KANTR: variants seen among roughly 807,000 people sequenced by gnomAD.
The protein encoded by KANTR is KDM5C adjacent transcript.
chrX:53,099,675 G>A (rs1932873641), intron 2 of KANTR, 67 bp downstream of exon 2: 1 of 111,640 alleles, frequency 9.0e-6, no homozygotes, highest in African/African-American at 3.3e-5. Flanking sequence ...ACTGTCTATG[G>A]CGGCTATAGC....
intron 2 of KANTR, among the ~76,000 whole-genome samples, chrX:53,136,067 T>C (rs1556817566): frequency 8.9e-6 from 1 of 111,874 alleles, no homozygotes; most frequent in African/African-American, 3.2e-5. Flanking sequence ...AGCGAACATA[T>C]GTCACCCCTG....
At chrX:53,118,069 G>A (rs1933159373) in intron 2 of KANTR, among the ~76,000 whole-genome samples, 1 of 111,856 alleles carries the variant, frequency 8.9e-6, no homozygotes, top group Non-Finnish European at 1.9e-5. Flanking sequence ...TGGACATTTG[G>A]GTCATTTCCA....
chrX:53,142,598 G>A (rs1158741491), exon 3 of KANTR: 10 of 310,801 alleles, frequency 3.2e-5, no homozygotes, highest in African/African-American at 1.3e-4. Context: ...ATAGGCGTGA[G>A]CCACCACTTC....
At chrX:53,121,481 GT>G (rs1933219546) in intron 2 of KANTR, among the ~76,000 whole-genome samples, 1 of 111,291 alleles carries the variant, frequency 9.0e-6, no homozygotes, top group African/African-American at 3.3e-5. Context: ...GGCTTTATCA[GT>G]TTTTTTCACT....
downstream of KANTR, chrX:53,143,229 G>A (rs1933528112): frequency 7.7e-6 from 5 of 647,100 alleles, no homozygotes; most frequent in Non-Finnish European, 1.3e-5. Context: ...GGAGGAGGAG[G>A]ATGTGGCAGT....
chrX:53,113,566 C>CTTTTTT (rs782348418), intron 2 of KANTR, among the ~76,000 whole-genome samples: 9 of 69,670 alleles, frequency 1.3e-4, no homozygotes, highest in Non-Finnish European at 1.7e-4. Flanking sequence ...CCTGATTGTT[C>CTTTTTT]TTTTTTTTTT....
chrX:53,131,813 A>G (rs1409694848), downstream of KANTR, among the ~76,000 whole-genome samples: 1 of 112,156 alleles, frequency 8.9e-6, no homozygotes, highest in African/African-American at 3.2e-5. Flanking sequence ...AAGGCATCCA[A>G]ATTGGAAAGG....
downstream of KANTR, among the ~76,000 whole-genome samples, chrX:53,130,929 G>C (rs1184403832): frequency 1.8e-5 from 2 of 111,434 alleles, no homozygotes; most frequent in African/African-American, 6.5e-5. Flanking sequence ...CCTTTTTGGA[G>C]CAGAGCAGTA....
chrX:53,111,376 A>G (rs1476923269), intron 2 of KANTR, among the ~76,000 whole-genome samples: 1 of 111,142 alleles, frequency 9.0e-6, no homozygotes, highest in Non-Finnish European at 1.9e-5. Context: ...CTTTGAGTGC[A>G]TTAAAAAACT....
intron 2 of KANTR, among the ~76,000 whole-genome samples, chrX:53,101,090 C>T (rs781939161): frequency 8.9e-6 from 1 of 112,715 alleles, no homozygotes; most frequent in African/African-American, 3.2e-5. Flanking sequence ...ATTGTCTAGC[C>T]AGACCACCCA....
intron 2 of KANTR, among the ~76,000 whole-genome samples, chrX:53,140,485 A>T (rs1248465539): frequency 2.2e-5 from 2 of 92,211 alleles, no homozygotes; most frequent in African/African-American, 8.7e-5. Context: ...TGGGTAACGG[A>T]GTGAGACTCT....
intron 2 of KANTR, among the ~76,000 whole-genome samples, chrX:53,104,761 C>T (rs193030694): frequency 5.4e-4 from 61 of 112,096 alleles, no homozygotes; most frequent in Admixed American, 1.3e-3. Flanking sequence ...AAATAATATT[C>T]TGTCATATGG....
downstream of KANTR, among the ~76,000 whole-genome samples, chrX:53,145,383 C>T (rs1055214364): frequency 8.0e-5 from 9 of 112,115 alleles, no homozygotes; most frequent in African/African-American, 1.9e-4. Context: ...GAGGGTCCTA[C>T]GCCCACAGAT....
chrX:53,115,062 A>G (rs1193816999), intron 2 of KANTR, among the ~76,000 whole-genome samples: 1 of 111,681 alleles, frequency 9.0e-6, no homozygotes, highest in Non-Finnish European at 1.9e-5. Flanking sequence ...GACCAGCCTG[A>G]AGGGTGGGGC....
intron 2 of KANTR, among the ~76,000 whole-genome samples, chrX:53,103,264 C>T (rs1800745579): frequency 9.0e-6 from 1 of 111,328 alleles, no homozygotes; most frequent in Admixed American, 9.5e-5. Context: ...GTGTGACCCA[C>T]TGTGCCAAGC....
chrX:53,119,301 A>G (rs1933181434), intron 2 of KANTR, among the ~76,000 whole-genome samples: 1 of 110,920 alleles, frequency 9.0e-6, no homozygotes, highest in African/African-American at 3.3e-5. Context: ...GAGTTGAACA[A>G]ATCCATCTTT....
chrX:53,103,887 C>T (rs1469366236), intron 2 of KANTR, among the ~76,000 whole-genome samples: 1 of 111,569 alleles, frequency 9.0e-6, no homozygotes, highest in Non-Finnish European at 1.9e-5. Context: ...GGCACTCCAT[C>T]CCATCCTCTC....
chrX:53,096,573 C>T (rs1556810862), intron 1 of KANTR, among the ~76,000 whole-genome samples: 1 of 112,428 alleles, frequency 8.9e-6, no homozygotes, highest in African/African-American at 3.2e-5. Flanking sequence ...CGCCTGTAAT[C>T]CCAGCACTTT....
intron 2 of KANTR, among the ~76,000 whole-genome samples, chrX:53,103,527 C>G (rs957275416): frequency 9.0e-6 from 1 of 111,045 alleles, no homozygotes; most frequent in Non-Finnish European, 1.9e-5. Flanking sequence ...CGGACAGTCT[C>G]ACTTCCCTTC....
Sources: gnomAD v4.1 joint callset for allele counts (sites outside exome capture counted in the v4.1 genomes callset) on GRCh38, gnomAD v4.1.1 for gene constraint, MANE v1.5 for transcripts, NCBI Gene and HGNC (gene_info 2026-07-23, HGNC 2026-07-21) for gene names.